ERC1: variants seen among roughly 807,000 people sequenced by gnomAD.
ERC1 encodes the protein RAB6 interacting protein 2.
A neutral mutation model predicts 132.0 loss-of-function variants in ERC1; 56 were observed. That is an observed-to-expected ratio of 0.42 (90% CI 0.34 to 0.53). The LOEUF is 0.53. Ranked by LOEUF, ERC1 falls within the 20% of genes least tolerant of loss-of-function variation. The probability of loss-of-function intolerance (pLI) is 0.03; values close to 1 mark genes in which losing one functional copy is unlikely to be tolerated. For missense variants in ERC1, 1,202 were observed against 1,349.9 expected, an observed-to-expected ratio of 0.89 and a Z score of 1.72; for synonymous variants, 478 against 476.1, an observed-to-expected ratio of 1.00 and a Z score of -0.05.
intron 14 of ERC1, among the ~76,000 whole-genome samples, chr12:1,286,293 CAAAAAAAAAAAAA>C (rs71293127): frequency 1.2e-5 from 1 of 81,278 alleles, no homozygotes; most frequent in East Asian, 4.5e-4. Context: ...GACTCCATCT[CAAAAAAAAAAAAA>C]AAAAAGAAAA....
intron 12 of ERC1, among the ~76,000 whole-genome samples, chr12:1,230,110 G>T (rs1029317042): frequency 6.7e-6 from 1 of 149,170 alleles, no homozygotes. Flanking sequence ...GGGTTCAAGC[G>T]ATTCTCCTGC....
At chr12:1,022,582 C>T (rs1282121357) in intron 1 of ERC1, among the ~76,000 whole-genome samples, 1 of 152,096 alleles carries the variant, frequency 6.6e-6, no homozygotes, top group Non-Finnish European at 1.5e-5. Flanking sequence ...ATAATCCCTA[C>T]ATGTTGTGGA....
intron 16 of ERC1, among the ~76,000 whole-genome samples, chr12:1,383,197 A>G (rs1007172113): frequency 1.3e-5 from 2 of 152,186 alleles, no homozygotes; most frequent in East Asian, 3.9e-4. Flanking sequence ...ACGCAGATAA[A>G]TCAACCTAGG....
At chr12:1,298,126 AAGAT>A (rs1180103977) in intron 15 of ERC1, among the ~76,000 whole-genome samples, 24 of 152,352 alleles carry the variant, frequency 1.6e-4, no homozygotes, top group African/African-American at 3.4e-4. Flanking sequence ...GAGAGAAAGA[AAGAT>A]AGATTACGAA....
At chr12:1,355,167 C>T (rs1421836323) in intron 15 of ERC1, among the ~76,000 whole-genome samples, 2 of 152,036 alleles carry the variant, frequency 1.3e-5, no homozygotes, top group East Asian at 1.9e-4. Context: ...GTAGCACCAG[C>T]GTAGCCATAG....
chr12:1,393,607 CGTGTGTGTGTGTGTGT>C (rs34533745), intron 16 of ERC1, among the ~76,000 whole-genome samples: 636 of 140,230 alleles, frequency 4.5e-3, no homozygotes, highest in African/African-American at 0.014. Flanking sequence ...AGAGAACACA[CGTGTGTGTGTGTGTGT>C]GTGTGTGTGT....
chr12:1,286,338 A>G (rs1166143476), intron 14 of ERC1, among the ~76,000 whole-genome samples: 2 of 151,914 alleles, frequency 1.3e-5, no homozygotes, highest in Non-Finnish European at 2.9e-5. Flanking sequence ...AATCCATCAC[A>G]GTAAAAGATG....
At chr12:1,398,680 A>G (rs564564075) in intron 16 of ERC1, among the ~76,000 whole-genome samples, 46 of 152,204 alleles carry the variant, frequency 3.0e-4, no homozygotes, top group Non-Finnish European at 4.7e-4. Flanking sequence ...GTAGGTAGGT[A>G]GATTATAAAG....
chr12:1,220,841 A>G (rs1958912057), intron 12 of ERC1, among the ~76,000 whole-genome samples: 1 of 152,226 alleles, frequency 6.6e-6, no homozygotes, highest in Admixed American at 6.5e-5. Context: ...CTTCCTCATT[A>G]GTGGCCTGCT....
intron 1 of ERC1, among the ~76,000 whole-genome samples, chr12:1,006,753 G>A (rs1476794900): frequency 6.6e-6 from 1 of 151,816 alleles, no homozygotes; most frequent in East Asian, 1.9e-4. Flanking sequence ...GAACTCTTTG[G>A]CCTCAAGTGA....
At chr12:1,166,779 A>T (rs1952466095) in intron 8 of ERC1, among the ~76,000 whole-genome samples, 1 of 152,190 alleles carries the variant, frequency 6.6e-6, no homozygotes, top group Non-Finnish European at 1.5e-5. Flanking sequence ...AGCTGGATGA[A>T]TGTAGAAACT....
In ERC1 at chr12:1,426,480, A is replaced by G. The variant is rs534999609; in HGVS notation, c.3025-18082A>G. Reference sequence around the variant, plus strand: ...TGTAGTCGTTTACTAATATTGGAAGATACCAGATTTCTGGATTTTTAGGGT... The same window carrying G: ...TGTAGTCGTTTACTAATATTGGAAGGTACCAGATTTCTGGATTTTTAGGGT... On this transcript the variant is annotated intron_variant, in intron 17 of 18. Coordinates refer to ENST00000360905, the MANE Select transcript of ERC1 (RefSeq NM_178040.4). Among the ~76,000 whole-genome samples the G allele has an allele frequency of 2.7e-4, 41 of 152,322 alleles. 1 individual carries two copies. The highest frequency in any genetic ancestry group is 9.4e-4 in the African/African-American group (39 of 41,566).
At chr12:1,272,161 TTAC>T (rs2077904401) in intron 14 of ERC1, among the ~76,000 whole-genome samples, 1 of 152,206 alleles carries the variant, frequency 6.6e-6, no homozygotes, top group East Asian at 1.9e-4. Context: ...AAAGAAATAG[TTAC>T]TACATCTGCC....
chr12:1,492,075 G>C lies in ERC1; in HGVS notation c.*1845G>C, dbSNP rs1362685559. The C allele has an allele frequency of 4.3e-6, 1 of 233,074 alleles. No individual in the cohort carries two copies. The highest frequency in any genetic ancestry group is 2.2e-5 in the African/African-American group (1 of 45,334). 14.4% of individuals were successfully genotyped at this position (233,074 alleles called of 1,614,324 possible). A position where few individuals can be genotyped will look rare whatever the true frequency, so the allele number is the denominator to read the frequency against. ...ACTGTCCCATTAACTGACATGGTCA[G>C]ATTTCCAGCTCCCCCTACTCCCTGC... On this transcript the variant is annotated 3_prime_UTR_variant, in exon 19 of 19. Transcript: ENST00000360905.
intron 13 of ERC1, among the ~76,000 whole-genome samples, chr12:1,240,264 G>A (rs932670617): frequency 5.9e-5 from 9 of 152,142 alleles, no homozygotes; most frequent in African/African-American, 2.2e-4. Flanking sequence ...AAATTCCAAT[G>A]GTAGTAGGGG....
intron 8 of ERC1, among the ~76,000 whole-genome samples, chr12:1,147,670 ATAT>A (rs1236935523): frequency 6.6e-6 from 1 of 152,152 alleles, no homozygotes; most frequent in Non-Finnish European, 1.5e-5. Context: ...TAAGTGTAGG[ATAT>A]TATTAGTAAA....
intron 12 of ERC1, among the ~76,000 whole-genome samples, chr12:1,225,219 G>T (rs1360447299): frequency 6.6e-6 from 1 of 151,906 alleles, no homozygotes; most frequent in Non-Finnish European, 1.5e-5. Flanking sequence ...AGCAACTCAG[G>T]AGTCTGAGAC....
At chr12:1,445,222 ATTTTTTTTTT>A (rs137864873) in intron 18 of ERC1, among the ~76,000 whole-genome samples, 3 of 90,692 alleles carry the variant, frequency 3.3e-5, no homozygotes, top group East Asian at 6.5e-4. Context: ...TGTACAGTAG[ATTTTTTTTTT>A]TTTTTTTTTT....
At chr12:1,134,944 T>C (rs1048707399) in intron 7 of ERC1, among the ~76,000 whole-genome samples, 20 of 152,098 alleles carry the variant, frequency 1.3e-4, no homozygotes, top group African/African-American at 2.9e-4. Context: ...GTCAGGCTGG[T>C]CTTGAACTCC....
Sources: allele counts gnomAD v4.1 joint callset (sites outside exome capture counted in the v4.1 genomes callset), GRCh38; gene constraint gnomAD v4.1.1; transcripts MANE v1.5; gene names NCBI Gene and HGNC (gene_info 2026-07-23, HGNC 2026-07-21).